The following LRRC40 variants were observed in gnomAD, a reference collection of about 807,000 sequenced individuals.
LRRC40 encodes leucine-rich repeat-containing protein 40.
A neutral mutation model predicts 72.8 loss-of-function variants in LRRC40; 76 were observed. The observed-to-expected ratio is 1.04, with a 90% CI of 0.87 to 1.26. LRRC40 has a LOEUF of 1.26. Ranked by LOEUF, LRRC40 falls within the 50% of genes most tolerant of loss-of-function variation. The pLI is 0.00. For synonymous variants in LRRC40, 243 were observed against 254.2 expected, an observed-to-expected ratio of 0.96 and a Z score of 0.42; for missense variants, 684 against 698.9, an observed-to-expected ratio of 0.98 and a Z score of 0.24.
chr1:70,200,283 T>C (rs1483990896), intron 1 of LRRC40, among the ~76,000 whole-genome samples: 1 of 151,986 alleles, frequency 6.6e-6, no homozygotes, highest in Non-Finnish European at 1.5e-5. Flanking sequence ...CTGGGCAATA[T>C]AGCAAGACCC....
chr1:70,177,876 C>A (rs1668144168), intron 6 of LRRC40, among the ~76,000 whole-genome samples: 1 of 152,218 alleles, frequency 6.6e-6, no homozygotes, highest in African/African-American at 2.4e-5. Flanking sequence ...AACCCCTTCT[C>A]TTCCTCCTCC....
chr1:70,195,539 TGAA>T (rs1668589485), intron 1 of LRRC40, among the ~76,000 whole-genome samples: 1 of 152,208 alleles, frequency 6.6e-6, no homozygotes, highest in Admixed American at 6.5e-5. Flanking sequence ...TTTAAAAGAC[TGAA>T]TACAAAGTGC....
intron 1 of LRRC40, among the ~76,000 whole-genome samples, chr1:70,193,766 G>A (rs780785571): frequency 3.9e-5 from 6 of 151,938 alleles, no homozygotes; most frequent in Non-Finnish European, 4.4e-5. Flanking sequence ...GATCCAGTGC[G>A]AGTTATCTTA....
At chr1:70,183,435 G>C (rs1317853977) in intron 4 of LRRC40, among the ~76,000 whole-genome samples, 3 of 151,250 alleles carry the variant, frequency 2.0e-5, no homozygotes, top group Middle Eastern at 3.5e-3. Context: ...GATACACTTT[G>C]GAGTTAAATT....
At chr1:70,153,822 A>C (rs1245899985) in intron 11 of LRRC40, among the ~76,000 whole-genome samples, 2 of 151,978 alleles carry the variant, frequency 1.3e-5, no homozygotes, top group Non-Finnish European at 2.9e-5. Flanking sequence ...TCTCTACAAA[A>C]ATTAGTGGGG....
At chr1:70,158,793 C>T (rs958026653) in intron 10 of LRRC40, among the ~76,000 whole-genome samples, 2 of 152,100 alleles carry the variant, frequency 1.3e-5, no homozygotes, top group Admixed American at 6.5e-5. Context: ...TATTTACTAA[C>T]ATAGACACCC....
chr1:70,166,133 TCAAC>T (rs1288661241), intron 9 of LRRC40, among the ~76,000 whole-genome samples: 1 of 152,214 alleles, frequency 6.6e-6, no homozygotes, highest in Non-Finnish European at 1.5e-5. Context: ...TTTGAATAAT[TCAAC>T]CTATTTTGAA....
chr1:70,154,551 TA>T (rs1303125021), intron 11 of LRRC40, among the ~76,000 whole-genome samples: 1 of 152,190 alleles, frequency 6.6e-6, no homozygotes, highest in Non-Finnish European at 1.5e-5. Context: ...GAAGATGGAT[TA>T]GAGATCCCTT....
intron 9 of LRRC40, among the ~76,000 whole-genome samples, chr1:70,171,833 T>C (rs1054980747): frequency 6.6e-6 from 1 of 152,164 alleles, no homozygotes; most frequent in Non-Finnish European, 1.5e-5. Flanking sequence ...TCGAGAAATA[T>C]GTTACTCCTA....
At chr1:70,187,880 A>AAGAGAAGAGC (rs1668402496) in intron 2 of LRRC40, among the ~76,000 whole-genome samples, 2 of 151,732 alleles carry the variant, frequency 1.3e-5, no homozygotes, top group African/African-American at 4.8e-5. Flanking sequence ...AAGAGAAGAG[A>AAGAGAAGAGC]AGAGAAGAGA....
At chr1:70,146,038 T>C in intron 14 of LRRC40, 133 bp from the exon 15 acceptor site, 1 of 544,592 alleles carries the variant, frequency 1.8e-6, no homozygotes, top group South Asian at 2.4e-5. Flanking sequence ...TTTATTTCTT[T>C]TTTTGAGACA....
At chr1:70,170,351 CCTT>C (rs1157165571) in intron 9 of LRRC40, among the ~76,000 whole-genome samples, 1 of 152,082 alleles carries the variant, frequency 6.6e-6, no homozygotes, top group African/African-American at 2.4e-5. Flanking sequence ...CAGTCTCAGT[CCTT>C]CTATTCAGTA....
intron 12 of LRRC40, among the ~76,000 whole-genome samples, chr1:70,151,483 CTAAT>C (rs1667489022): frequency 6.6e-6 from 1 of 152,058 alleles, no homozygotes; most frequent in Non-Finnish European, 1.5e-5. Context: ...ACACTGTAAA[CTAAT>C]TAGCTCCTTC....
At chr1:70,195,369 T>TA (rs1668584923) in intron 1 of LRRC40, among the ~76,000 whole-genome samples, 1 of 147,366 alleles carries the variant, frequency 6.8e-6, no homozygotes, top group Admixed American at 6.8e-5. Flanking sequence ...AAAAACCCAT[T>TA]TAAAAAAAAA....
chr1:70,176,707 A>T (rs1245909519), intron 6 of LRRC40, among the ~76,000 whole-genome samples: 2 of 152,094 alleles, frequency 1.3e-5, no homozygotes, highest in Non-Finnish European at 2.9e-5. Flanking sequence ...GTGAGGGTCC[A>T]CTTTTATATA....
chr1:70,177,724 A>G (rs1668140413), intron 6 of LRRC40, among the ~76,000 whole-genome samples: 1 of 152,220 alleles, frequency 6.6e-6, no homozygotes, highest in African/African-American at 2.4e-5. Flanking sequence ...TAAGCAGATG[A>G]TATAAACTTA....
chr1:70,205,564 C>G lies in LRRC40; in HGVS notation c.-24G>C, dbSNP rs1169316763. On this transcript the variant is annotated 5_prime_UTR_variant, in exon 1 of 15. Transcript: ENST00000370952. ...ATGTTCAAAGTCCTAGGTCCAGAAG[C>G]TGCAGCCCCACCCGTGACGCTTAAA... The G allele has an allele frequency of 3.2e-6, 5 of 1,568,528 alleles. No individual in the cohort carries two copies. Among genetic ancestry groups the G allele is most frequent in the Non-Finnish European group, 3.5e-6 (4 of 1,146,008 alleles).
intron 6 of LRRC40, among the ~76,000 whole-genome samples, chr1:70,177,304 CCTCAAA>C (rs1375597848): frequency 6.6e-6 from 1 of 151,952 alleles, no homozygotes; most frequent in Non-Finnish European, 1.5e-5. Flanking sequence ...AAAGATTCTG[CCTCAAA>C]AAAAGAAAAA....
At chr1:70,195,599 A>G (rs1023912792) in intron 1 of LRRC40, among the ~76,000 whole-genome samples, 2 of 152,156 alleles carry the variant, frequency 1.3e-5, no homozygotes, top group Admixed American at 6.6e-5. Flanking sequence ...TGCTAGTGGG[A>G]AACAGTTTGG....
Sources: allele counts gnomAD v4.1 joint callset (sites outside exome capture counted in the v4.1 genomes callset), GRCh38; gene constraint gnomAD v4.1.1; transcripts MANE v1.5; gene names NCBI Gene and HGNC (gene_info 2026-07-23, HGNC 2026-07-21).